The following PIK3R1 variants were observed in gnomAD, a reference collection of about 807,000 sequenced individuals.
The protein encoded by PIK3R1 is phosphatidylinositol 3-kinase regulatory subunit alpha.
A neutral mutation model predicts 98.0 loss-of-function variants in PIK3R1; 29 were observed. That is an observed-to-expected ratio of 0.30 (90% CI 0.22 to 0.40). The LOEUF (loss-of-function observed/expected upper bound fraction) is 0.40. Among genes scored for constraint, PIK3R1 ranks in the 10% least tolerant of loss-of-function variants. The pLI, the probability that PIK3R1 is intolerant of heterozygous loss-of-function variation, is 1.00. For synonymous variants in PIK3R1, 282 were observed against 311.8 expected (o/e 0.90, Z 1.01); for missense variants, 596 against 872.7 (o/e 0.68, Z 3.99).
chr5:68,224,251 A>G (rs1370696682), intron 1 of PIK3R1, among the ~76,000 whole-genome samples: 1 of 152,262 alleles, frequency 6.6e-6, no homozygotes. Context: ...TGCTAGTTCT[A>G]CATTTTCATG....
intron 2 of PIK3R1, among the ~76,000 whole-genome samples, chr5:68,262,403 T>TATATATATATATATATATATACAC (rs33968242): frequency 2.8e-5 from 4 of 140,614 alleles, no homozygotes; most frequent in Non-Finnish European, 6.2e-5. Flanking sequence ...TATATATATA[T>TATATATATATATATATATATACAC]ACACACACGC....
At chr5:68,259,444 C>T (rs1039800950) in intron 2 of PIK3R1, among the ~76,000 whole-genome samples, 1 of 152,094 alleles carries the variant, frequency 6.6e-6, no homozygotes, top group Admixed American at 6.5e-5. Flanking sequence ...TCTTTTCTTC[C>T]AAAATGAATG....
At position 68,217,084 on chromosome 5, in the gene PIK3R1, G is replaced by GT. The variant is rs920871455; in HGVS notation, c.-387+1143dup. 7.9e-5 allele frequency among the ~76,000 whole-genome samples: 12 copies of GT among 151,846 alleles called. 1 individual carries two copies. The highest frequency in any genetic ancestry group is 1.9e-4 in the East Asian group (1 of 5,188). On this transcript the variant is annotated intron_variant, in intron 1 of 15. Transcript: ENST00000521381. Reference sequence around the variant, plus strand: ...TTATTTGGGGGCTTCATGATTTTAGGTTTTTTTTCTTTTTTCTCTTCTTTT... The same window carrying GT: ...TTATTTGGGGGCTTCATGATTTTAGGTTTTTTTTTCTTTTTTCTCTTCTTTT...
At position 68,298,492 on chromosome 5, in the gene PIK3R1, T is replaced by G. The variant is rs1394979098; in HGVS notation, c.*891T>G. The G allele has an allele frequency of 4.3e-6, 1 of 233,246 alleles. No individual in the cohort carries two copies. The highest frequency in any genetic ancestry group is 8.5e-6 in the Non-Finnish European group (1 of 117,882). The allele number at this position is 233,246 out of a possible 1,614,324, so 14.4% of individuals were successfully genotyped here. A position where few individuals can be genotyped will look rare whatever the true frequency, so the allele number is the denominator to read the frequency against. On this transcript the variant is annotated 3_prime_UTR_variant, in exon 16 of 16. Coordinates refer to ENST00000521381, the MANE Select transcript of PIK3R1 (RefSeq NM_181523.3). ...CTTCCCCACCCCAGTTTTTGTTGCT[T>G]GAAAATATTGTTGTCCCGGATTTTT...
At chr5:68,272,947 C>T (rs780179991) in intron 2 of PIK3R1, among the ~76,000 whole-genome samples, 5 of 152,158 alleles carry the variant, frequency 3.3e-5, no homozygotes, top group Non-Finnish European at 7.3e-5. Flanking sequence ...TTATTTCTTC[C>T]TAATGACCAG....
At chr5:68,292,084 C>A in intron 7 of PIK3R1, 175 bp from the exon 8 acceptor site, 1 of 444,550 alleles carries the variant, frequency 2.2e-6, no homozygotes, top group Non-Finnish European at 4.0e-6. Context: ...TTGAGCCATG[C>A]TCTGAAAGAT....
At chr5:68,253,730 C>G (rs542723741) in intron 2 of PIK3R1, among the ~76,000 whole-genome samples, 1 of 152,272 alleles carries the variant, frequency 6.6e-6, no homozygotes, top group African/African-American at 2.4e-5. Context: ...CTACTATGAG[C>G]TTGGGGATTG....
At chr5:68,288,660 C>T (rs1747208181) in intron 7 of PIK3R1, 2 of 1,607,510 alleles carry the variant, frequency 1.2e-6, no homozygotes, top group Non-Finnish European at 1.7e-6. Context: ...GCTTGGCCCA[C>T]TTGGTGGAAG....
intron 2 of PIK3R1, among the ~76,000 whole-genome samples, chr5:68,253,372 T>C (rs1403021499): frequency 6.6e-6 from 1 of 152,186 alleles, no homozygotes. Context: ...TATTCTGACT[T>C]GTGAAAGGTT....
In PIK3R1 at chr5:68,283,942, G is replaced by A. The variant is rs139522332; in HGVS notation, c.916+2936G>A. Among the ~76,000 whole-genome samples, 15 of 152,224 alleles carry A rather than the reference G, an allele frequency of 9.9e-5. No homozygotes were observed. In the East Asian group the frequency reaches 2.9e-3, roughly 29 times the overall value. ...AAAATATGTGAAATTAGCCCCCATG[G>A]GTCACATATAGTAAACAAAGTCAGG... On this transcript the variant is annotated intron_variant, in intron 7 of 15. Transcript: ENST00000521381.
At chr5:68,288,635 G>A (rs540856634) in intron 7 of PIK3R1, 8 of 1,596,812 alleles carry the variant, frequency 5.0e-6, no homozygotes, top group Admixed American at 3.4e-5. Context: ...GAACAGGCTG[G>A]GGGGAGGTGC....
At position 68,301,291 on chromosome 5, in the gene PIK3R1, C is replaced by T. The variant is rs974386799; in HGVS notation, c.*3690C>T. ...TGAGTCAATTGGAAAGACTATCCAA[C>T]TTAACATGAAACTTGTCACCATGAG... On this transcript the variant is annotated 3_prime_UTR_variant, in exon 16 of 16. Coordinates refer to ENST00000521381, the MANE Select transcript of PIK3R1 (RefSeq NM_181523.3). 8.8e-5 allele frequency: 16 copies of T among 181,182 alleles called. No homozygotes were observed. The highest frequency in any genetic ancestry group is 1.7e-4 in the Non-Finnish European group (15 of 88,258). 11.2% of individuals were successfully genotyped at this position (181,182 alleles called of 1,614,324 possible).
chr5:68,266,509 C>A (rs1746128672), intron 2 of PIK3R1, among the ~76,000 whole-genome samples: 1 of 152,218 alleles, frequency 6.6e-6, no homozygotes, highest in Non-Finnish European at 1.5e-5. Flanking sequence ...AGTACAAAAA[C>A]TGCTATTATC....
In PIK3R1 at chr5:68,273,486, A is replaced by C. The variant is rs1380740486; in HGVS notation, c.427+4A>C. ...GTGGAAGCCATTGAAAAGAAAGGTA[A>C]CCAGACTGCTAGAGGGCATCAGTTC... On this transcript the variant is annotated splice_donor_region_variant and intron_variant, in intron 3 of 15. Coordinates refer to ENST00000521381, the MANE Select transcript of PIK3R1 (RefSeq NM_181523.3). 3 of 1,610,852 alleles carry C rather than the reference A, an allele frequency of 1.9e-6. No homozygotes were observed. Among genetic ancestry groups the C allele is most frequent in the Non-Finnish European group, 2.5e-6 (3 of 1,177,162 alleles).
chr5:68,275,512 T>C (rs555010159), intron 4 of PIK3R1, among the ~76,000 whole-genome samples: 154 of 140,366 alleles, frequency 1.1e-3, no homozygotes, highest in African/African-American at 4.2e-3. Flanking sequence ...TGATGCAGTT[T>C]AGTTATTTAA....
At chr5:68,281,045 AT>A (rs2112197631) in intron 7 of PIK3R1, 39 bp downstream of exon 7, 1 of 1,381,352 alleles carries the variant, frequency 7.2e-7, no homozygotes, top group Non-Finnish European at 1.0e-6. Flanking sequence ...CTCATTGTTC[AT>A]TTTTTAGAGC....
intron 2 of PIK3R1, among the ~76,000 whole-genome samples, chr5:68,253,586 A>T (rs1745398357): frequency 6.6e-6 from 1 of 152,138 alleles, no homozygotes; most frequent in Admixed American, 6.5e-5. Context: ...ACTTAAAAAT[A>T]AAGGGATCTA....
intron 13 of PIK3R1, 29 bp downstream of exon 13, chr5:68,295,353 T>C: frequency 1.9e-6 from 3 of 1,612,884 alleles, no homozygotes; most frequent in Non-Finnish European, 2.5e-6. Context: ...ATCCTATACA[T>C]GAATAATTGG....
chr5:68,226,975 T>A lies in PIK3R1; in HGVS notation c.300T>A (p.Gly100=). The A allele has an allele frequency of 1.2e-6, 2 of 1,613,190 alleles. No homozygotes were observed. Among genetic ancestry groups the A allele is most frequent in the Non-Finnish European group, 1.7e-6 (2 of 1,179,658 alleles). The change falls in exon 2 of 16, where the codon GGT becomes GGA. Residue 100 remains glycine (G), a synonymous_variant. Coordinates refer to ENST00000521381, the MANE Select transcript of PIK3R1 (RefSeq NM_181523.3). ...RPPRPLPVAP[G]SSKTEADVEQ... is the part of the protein sequence containing the mutation. ...CTCGGCCTCTTCCTGTTGCACCAGG[T>A]TCTTCGAAAACTGAAGCAGATGTTG... is the stretch of plus-strand genomic sequence containing the variant.
Sources: gnomAD v4.1 joint callset for allele counts (sites outside exome capture counted in the v4.1 genomes callset) on GRCh38, gnomAD v4.1.1 for gene constraint, MANE v1.5 for transcripts, NCBI Gene and HGNC (gene_info 2026-07-23, HGNC 2026-07-21) for gene names.